The following PJA2 variants were observed in gnomAD, a reference collection of about 807,000 sequenced individuals.
The protein encoded by PJA2 is E3 ubiquitin-protein ligase Praja-2.
A neutral mutation model predicts 69.3 loss-of-function variants in PJA2; 25 were observed. That is an observed-to-expected ratio of 0.36 (90% CI 0.26 to 0.50). The LOEUF (loss-of-function observed/expected upper bound fraction) is 0.50. Among genes scored for constraint, PJA2 ranks in the 20% least tolerant of loss-of-function variants. The pLI, the probability that PJA2 is intolerant of heterozygous loss-of-function variation, is 0.96. For missense variants in PJA2, 809 were observed against 830.2 expected (o/e 0.97, Z 0.31); for synonymous variants, 308 against 277.8 (o/e 1.11, Z -1.08).
intron 4 of PJA2, among the ~76,000 whole-genome samples, chr5:109,375,958 G>C (rs1381391640): frequency 6.6e-6 from 1 of 152,170 alleles, no homozygotes; most frequent in African/African-American, 2.4e-5. Flanking sequence ...AGAATAATCT[G>C]TACAGAAAAC....
chr5:109,385,429 T>C (rs1010975376), intron 1 of PJA2, among the ~76,000 whole-genome samples: 8 of 152,186 alleles, frequency 5.3e-5, no homozygotes, highest in African/African-American at 1.9e-4. Flanking sequence ...TTTTACAGGC[T>C]GGGCAATGGG....
Position 109,336,549 on chromosome 5 carries a change from T to C in PJA2, c.*682A>G, listed in dbSNP as rs1006824647. 6.6e-6 allele frequency: 1 copy of C among 152,160 alleles called. No homozygotes were observed. The highest frequency in any genetic ancestry group is 2.4e-5 in the African/African-American group (1 of 41,436). 9.4% of individuals were successfully genotyped at this position (152,160 alleles called of 1,614,324 possible). A position where few individuals can be genotyped will look rare whatever the true frequency, so the allele number is the denominator to read the frequency against. Reference sequence around the variant, plus strand: ...AGCCCTGAGCACACTAGATTCTTTGTATGCTTTACTAACCTTACGTTAAGC... The same window carrying C: ...AGCCCTGAGCACACTAGATTCTTTGCATGCTTTACTAACCTTACGTTAAGC... On this transcript the variant is annotated 3_prime_UTR_variant, in exon 10 of 10. Coordinates refer to ENST00000361189, the MANE Select transcript of PJA2 (RefSeq NM_014819.5).
chr5:109,342,095 A>G, intron 9 of PJA2, among the ~76,000 whole-genome samples: 1 of 103,102 alleles, frequency 9.7e-6, no homozygotes, highest in African/African-American at 3.5e-5. Context: ...TCCGGGAGGG[A>G]GGTGGGGATG....
chr5:109,353,196 G>T (rs981934583), intron 7 of PJA2, among the ~76,000 whole-genome samples: 2 of 54,890 alleles, frequency 3.6e-5, no homozygotes, highest in African/African-American at 2.1e-4. Context: ...CTATATATTA[G>T]ATACCTATAA....
At chr5:109,353,020 ATAGATATCTATATATTAGATACCTATATC>A (rs1762288130) in intron 7 of PJA2, among the ~76,000 whole-genome samples, 1 of 27,674 alleles carries the variant, frequency 3.6e-5, no homozygotes, top group African/African-American at 2.6e-4. Context: ...ACCTATATCT[ATAGATATCTATATATTAGATACCTATATC>A]ATAGACATCT....
rs552066763 is a variant in PJA2, at chr5:109,349,772, C to T, written c.1765-4953G>A. On this transcript the variant is annotated intron_variant, in intron 7 of 9. Coordinates refer to ENST00000361189, the MANE Select transcript of PJA2 (RefSeq NM_014819.5). ...GTGGCTGCTCCTTATATGCGCTTTT[C>T]CCATATTCTGTGTAATTATCTTTAT... Among the ~76,000 whole-genome samples the T allele has an allele frequency of 3.3e-5, 5 of 152,272 alleles. No individual in the cohort carries two copies. In the South Asian group the frequency reaches 1.0e-3, roughly 32 times the overall value.
chr5:109,392,793 C>T (rs1236917128), intron 1 of PJA2, among the ~76,000 whole-genome samples: 4 of 152,148 alleles, frequency 2.6e-5, no homozygotes, highest in Admixed American at 1.3e-4. Flanking sequence ...GAACACACTA[C>T]ATTAATTGGA....
At chr5:109,398,436 C>T (rs1747465826) in intron 1 of PJA2, among the ~76,000 whole-genome samples, 1 of 152,118 alleles carries the variant, frequency 6.6e-6, no homozygotes, top group African/African-American at 2.4e-5. Context: ...CCATGCAATA[C>T]TATGCAGCCA....
intron 5 of PJA2, among the ~76,000 whole-genome samples, chr5:109,365,191 T>G (rs186843754): frequency 6.6e-6 from 1 of 152,324 alleles, no homozygotes; most frequent in African/African-American, 2.4e-5. Context: ...TTACTCACAA[T>G]AGCCAAAACT....
chr5:109,377,394 G>T (rs557473204), intron 4 of PJA2, among the ~76,000 whole-genome samples: 1 of 152,066 alleles, frequency 6.6e-6, no homozygotes, highest in Admixed American at 6.5e-5. Context: ...CTGGACACTG[G>T]GGTAATGGAA....
chr5:109,368,762 G>A lies in PJA2; in HGVS notation c.1284-16C>T. ...GCATTCAGAACTGCAAATCAGAAGAGAAATAAACTATCATAATGTGTTCAG... is the reference window on the plus strand; with the variant it reads ...GCATTCAGAACTGCAAATCAGAAGAAAAATAAACTATCATAATGTGTTCAG... On this transcript the variant is annotated splice_polypyrimidine_tract_variant and intron_variant, in intron 4 of 9. Transcript: ENST00000361189. The A allele has an allele frequency of 6.2e-7, 1 of 1,605,128 alleles. No homozygotes were observed. Among genetic ancestry groups the A allele is most frequent in the Non-Finnish European group, 8.5e-7 (1 of 1,176,014 alleles).
intron 6 of PJA2, among the ~76,000 whole-genome samples, chr5:109,357,290 C>A (rs796940438): frequency 3.4e-5 from 5 of 144,966 alleles, no homozygotes; most frequent in African/African-American, 1.2e-4. Flanking sequence ...TAAACATCCA[C>A]AAACAACCTA....
chr5:109,378,678 T>G lies in PJA2; in HGVS notation c.809A>C (p.Gln270Pro). 3 of 1,614,036 alleles carry G rather than the reference T, an allele frequency of 1.9e-6. No individual in the cohort carries two copies. Among genetic ancestry groups the G allele is most frequent in the Non-Finnish European group, 2.5e-6 (3 of 1,180,016 alleles). Residue 270 changes from glutamine (Q) to proline (P), a missense_variant, in exon 4 of 10, where the codon CAA becomes CCA. Physicochemically the swap from Gln to Pro is moderately conservative, Grantham distance 76 (BLOSUM62 -1). Around this residue, in one of 4 missense-constraint regions of PJA2, gnomAD observed 700 missense variants for 639.5 expected, o/e 1.09. Transcript: ENST00000361189. The stretch of plus-strand genomic sequence containing the variant: ...CTGTCTTTCCTGGCTAGTATTATTT[T>G]GTTGTTTCGTACTAACCATTTCATC... ...SQDEMVSTKQ[Q>P]NNTSQERQTE...
At chr5:109,339,830 G>A (rs1375483302) in intron 9 of PJA2, among the ~76,000 whole-genome samples, 1 of 152,142 alleles carries the variant, frequency 6.6e-6, no homozygotes. Context: ...AACACTAGAG[G>A]TTGGTATATT....
At chr5:109,401,027 C>T (rs1003216051) in intron 1 of PJA2, among the ~76,000 whole-genome samples, 5 of 152,126 alleles carry the variant, frequency 3.3e-5, no homozygotes, top group Admixed American at 6.5e-5. Flanking sequence ...CCAAATGACA[C>T]ATGCCTGTAA....
intron 1 of PJA2, among the ~76,000 whole-genome samples, chr5:109,384,053 T>C (rs1747107555): frequency 6.6e-6 from 1 of 152,234 alleles, no homozygotes; most frequent in Non-Finnish European, 1.5e-5. Flanking sequence ...TGCCTAAGTA[T>C]ATATCATCCT....
At position 109,337,198 on chromosome 5, in the gene PJA2, T is replaced by C. The variant is rs201041553; in HGVS notation, c.*33A>G. 19 of 1,604,220 alleles carry C rather than the reference T, an allele frequency of 1.2e-5. No individual in the cohort carries two copies. Among genetic ancestry groups the C allele is most frequent in the Non-Finnish European group, 6.0e-6 (7 of 1,176,184 alleles). On this transcript the variant is annotated 3_prime_UTR_variant, in exon 10 of 10. Coordinates refer to ENST00000361189, the MANE Select transcript of PJA2 (RefSeq NM_014819.5). Reference sequence around the variant, plus strand: ...TTTAGAAGGAATTTGCAGATTTACTTTGATACACTGATCTCATTTCAACTG... The same window carrying C: ...TTTAGAAGGAATTTGCAGATTTACTCTGATACACTGATCTCATTTCAACTG...
chr5:109,367,975 A>G (rs1387407801), intron 5 of PJA2, among the ~76,000 whole-genome samples: 1 of 152,238 alleles, frequency 6.6e-6, no homozygotes, highest in African/African-American at 2.4e-5. Flanking sequence ...GGCTACTTTT[A>G]TACTGCAACA....
At chr5:109,349,101 T>C (rs1488234309) in intron 7 of PJA2, among the ~76,000 whole-genome samples, 1 of 152,210 alleles carries the variant, frequency 6.6e-6, no homozygotes, top group Non-Finnish European at 1.5e-5. Context: ...ACTTCATTTG[T>C]AGTAATAGCT....
Sources: allele counts gnomAD v4.1 joint callset (sites outside exome capture counted in the v4.1 genomes callset), GRCh38; gene constraint gnomAD v4.1.1; regional missense constraint gnomAD v4.1.1; transcripts MANE v1.5; gene names NCBI Gene and HGNC (gene_info 2026-07-23, HGNC 2026-07-21).